Variants in DOCK2 observed in about 807,000 individuals in gnomAD.
The protein encoded by DOCK2 is dedicator of cytokinesis 2, also known as dedicator of cytokinesis protein 2.
A neutral mutation model predicts 248.9 loss-of-function variants in DOCK2; 87 were observed. The ratio of observed to expected loss-of-function variants is 0.35; its 90% CI spans 0.29 to 0.42. DOCK2 has a LOEUF of 0.42. DOCK2 is among the 10% of genes least tolerant of loss of function. The pLI is 1.00. For missense variants in DOCK2, 1,747 were observed against 2,300.2 expected (o/e 0.76, Z 4.92); for synonymous variants, 805 against 821.6 (o/e 0.98, Z 0.35).
intron 25 of DOCK2, among the ~76,000 whole-genome samples, chr5:169,766,391 AG>A (rs1330573368): frequency 6.6e-6 from 1 of 152,194 alleles, no homozygotes; most frequent in African/African-American, 2.4e-5. Context: ...GCTCTGCAAA[AG>A]TATGTGATTT....
chr5:170,026,182 G>A (rs1405506077), intron 33 of DOCK2, among the ~76,000 whole-genome samples: 1 of 152,148 alleles, frequency 6.6e-6, no homozygotes. Flanking sequence ...CCAGAGGGAA[G>A]AGCAAATGTG....
chr5:170,079,904 T>C (rs974838468), intron 49 of DOCK2: 1 of 425,886 alleles, frequency 2.3e-6, no homozygotes, highest in African/African-American at 2.0e-5. Flanking sequence ...TCTGTGTTTG[T>C]CGATTCTAGG....
intron 26 of DOCK2, among the ~76,000 whole-genome samples, chr5:169,834,791 T>G (rs1223780250): frequency 1.3e-5 from 2 of 152,186 alleles, no homozygotes; most frequent in Non-Finnish European, 2.9e-5. Context: ...CACAATGAAA[T>G]GAGAACATAG....
rs144391452 is a variant in DOCK2, at chr5:169,853,373, G to A, written c.2799+12521G>A. Among the ~76,000 whole-genome samples, 746 of 152,302 alleles carry A rather than the reference G, an allele frequency of 4.9e-3. 8 individuals are homozygous for A. Among genetic ancestry groups the A allele is most frequent in the African/African-American group, 0.017 (687 of 41,570 alleles). ...CACAAATCTCAGGCCCATCGCCCCC[G>A]TCCAGGGCACTGGCTTTAAGTGACT... On this transcript the variant is annotated intron_variant, in intron 27 of 51. Coordinates refer to ENST00000520908, the MANE Select transcript of DOCK2 (RefSeq NM_004946.3).
intron 29 of DOCK2, among the ~76,000 whole-genome samples, chr5:169,994,465 C>T (rs1040780275): frequency 6.6e-6 from 1 of 152,184 alleles, no homozygotes; most frequent in African/African-American, 2.4e-5. Context: ...AGAGATGCGG[C>T]TGCACACAGA....
chr5:169,662,185 T>C (rs888032599), intron 2 of DOCK2, among the ~76,000 whole-genome samples: 6 of 152,208 alleles, frequency 3.9e-5, no homozygotes, highest in Non-Finnish European at 7.3e-5. Flanking sequence ...CTCATTGTGG[T>C]TTGATTTTCA....
chr5:169,766,164 G>C (rs1020850202), intron 25 of DOCK2, among the ~76,000 whole-genome samples: 5 of 151,878 alleles, frequency 3.3e-5, no homozygotes, highest in African/African-American at 1.2e-4. Context: ...AGATAATTTT[G>C]TCACCCAGGT....
chr5:169,831,054 C>T (rs1769195767), intron 26 of DOCK2, among the ~76,000 whole-genome samples: 7 of 152,168 alleles, frequency 4.6e-5, no homozygotes, highest in Admixed American at 3.3e-4. Flanking sequence ...GTTCTATTTT[C>T]ATTGTTACAT....
In DOCK2 at chr5:169,698,447, C is replaced by G; in HGVS notation, c.1053C>G (p.His351Gln). The G allele has an allele frequency of 6.2e-7, 1 of 1,614,012 alleles. No homozygotes were observed. Among genetic ancestry groups the G allele is most frequent in the Non-Finnish European group, 8.5e-7 (1 of 1,179,890 alleles). ...AAAAGCAGCACTTCATTCCTTTTCA[C>G]CCGTAAGACATTTCCCATTTCTTTC... ...DEEKQHFIPF[H>Q]PVTAENDFLH... Residue 351 changes from histidine (H) to glutamine (Q), a missense_variant and splice_region_variant, in exon 11 of 52, where the codon CAC becomes CAG. By Grantham distance (24) the His-to-Gln change is conservative. Coordinates refer to ENST00000520908, the MANE Select transcript of DOCK2 (RefSeq NM_004946.3).
At chr5:169,669,219 A>G (rs1034373232) in intron 2 of DOCK2, 69 bp from the exon 3 acceptor site, 7 of 1,604,182 alleles carry the variant, frequency 4.4e-6, no homozygotes, top group Middle Eastern at 1.7e-4. Flanking sequence ...AAAACAAAAC[A>G]AAACAGAAAA....
At chr5:169,903,293 A>AAAC (rs1189117124) in intron 27 of DOCK2, among the ~76,000 whole-genome samples, 1 of 146,858 alleles carries the variant, frequency 6.8e-6, no homozygotes, top group Non-Finnish European at 1.5e-5. Context: ...CATCTCTAAA[A>AAAC]AACAACAACA....
At chr5:169,736,236 C>G (rs1763034046) in intron 22 of DOCK2, among the ~76,000 whole-genome samples, 1 of 152,074 alleles carries the variant, frequency 6.6e-6, no homozygotes, top group Admixed American at 6.6e-5. Flanking sequence ...TTTCTTTCAC[C>G]CCTCGTGGCT....
intron 22 of DOCK2, among the ~76,000 whole-genome samples, chr5:169,741,400 C>A (rs1418442584): frequency 6.6e-6 from 1 of 152,104 alleles, no homozygotes; most frequent in African/African-American, 2.4e-5. Context: ...ACAGACTCAG[C>A]CACTGGTTTA....
chr5:169,749,646 A>G (rs540446066), intron 23 of DOCK2, among the ~76,000 whole-genome samples: 29 of 152,310 alleles, frequency 1.9e-4, no homozygotes, highest in Non-Finnish European at 3.1e-4. Flanking sequence ...GCTCAGATTC[A>G]TATCTGTTCC....
chr5:169,647,682 C>A (rs1757545298), intron 1 of DOCK2, among the ~76,000 whole-genome samples: 1 of 152,122 alleles, frequency 6.6e-6, no homozygotes, highest in African/African-American at 2.4e-5. Context: ...CTCTTCCCTG[C>A]TGTCACACCC....
intron 22 of DOCK2, among the ~76,000 whole-genome samples, chr5:169,745,262 C>G (rs756368693): frequency 1.6e-4 from 25 of 152,168 alleles, no homozygotes; most frequent in Non-Finnish European, 3.2e-4. Context: ...CTGGTCCCAT[C>G]TTTTCTACTT....
At chr5:169,968,781 G>A (rs1292098715) in intron 27 of DOCK2, among the ~76,000 whole-genome samples, 1 of 152,194 alleles carries the variant, frequency 6.6e-6, no homozygotes, top group African/African-American at 2.4e-5. Flanking sequence ...AAAGGAGGAA[G>A]AATTGAGTGT....
intron 27 of DOCK2, among the ~76,000 whole-genome samples, chr5:169,845,419 C>T (rs746829643): frequency 6.6e-6 from 1 of 152,106 alleles, no homozygotes; most frequent in Non-Finnish European, 1.5e-5. Flanking sequence ...CCCCCGAGGT[C>T]AGGCACCCTG....
At chr5:170,014,744 C>T (rs540378143) in intron 32 of DOCK2, among the ~76,000 whole-genome samples, 1 of 151,684 alleles carries the variant, frequency 6.6e-6, no homozygotes, top group South Asian at 2.1e-4. Flanking sequence ...GAGGAGTGGG[C>T]AGTAGGCAGG....
Sources: allele counts gnomAD v4.1 joint callset (sites outside exome capture counted in the v4.1 genomes callset), GRCh38; gene constraint gnomAD v4.1.1; transcripts MANE v1.5; gene names NCBI Gene and HGNC (gene_info 2026-07-23, HGNC 2026-07-21).